NEO1: variants seen among roughly 807,000 people sequenced by gnomAD.
The protein encoded by NEO1 is neogenin.
Under a neutral mutation model 159.7 loss-of-function variants are expected in NEO1, and 63 were observed. That is an observed-to-expected ratio of 0.39 (90% CI 0.32 to 0.49). The LOEUF (loss-of-function observed/expected upper bound fraction) is 0.49, where lower values mean the gene tolerates loss of function less well. Ranked by LOEUF, NEO1 falls within the 20% of genes least tolerant of loss-of-function variation. The pLI is 0.85. For missense variants in NEO1, 1,615 were observed against 1,831.0 expected (o/e 0.88, Z 2.15); for synonymous variants, 633 against 662.0 (o/e 0.96, Z 0.67).
chr15:73,211,209 A>G (rs1487690899), intron 7 of NEO1, among the ~76,000 whole-genome samples: 1 of 152,226 alleles, frequency 6.6e-6, no homozygotes, highest in African/African-American at 2.4e-5. Context: ...ATTAGACAAA[A>G]TATATGGAAT....
chr15:73,216,912 G>C (rs1405441362), intron 7 of NEO1, among the ~76,000 whole-genome samples: 1 of 151,832 alleles, frequency 6.6e-6, no homozygotes, highest in Non-Finnish European at 1.5e-5. Context: ...TTCTTTTGCT[G>C]TGCAGAAGCT....
intron 4 of NEO1, among the ~76,000 whole-genome samples, chr15:73,134,694 C>T (rs2031546813): frequency 1.3e-5 from 2 of 151,958 alleles, no homozygotes; most frequent in Non-Finnish European, 2.9e-5. Context: ...GGATTACAGG[C>T]ATGCACCACC....
At position 73,114,017 on chromosome 15, in the gene NEO1, A is replaced by G. The variant is rs545892194; in HGVS notation, c.131-2523A>G. On this transcript the variant is annotated intron_variant, in intron 1 of 28. Coordinates refer to ENST00000261908, the MANE Select transcript of NEO1 (RefSeq NM_002499.4). Reference sequence around the variant, plus strand: ...TTTGGGAACCTCTCTACTTTAACTTAAAGTTATTACAAATATTCAAAGATT... The same window carrying G: ...TTTGGGAACCTCTCTACTTTAACTTGAAGTTATTACAAATATTCAAAGATT... Among the ~76,000 whole-genome samples the G allele has an allele frequency of 2.6e-5, 4 of 152,288 alleles. No individual in the cohort carries two copies. In the South Asian group the frequency reaches 8.3e-4, roughly 32 times the overall value.
At chr15:73,128,158 G>T (rs1352608350) in intron 4 of NEO1, among the ~76,000 whole-genome samples, 1 of 151,224 alleles carries the variant, frequency 6.6e-6, no homozygotes, top group Non-Finnish European at 1.5e-5. Context: ...CCAACTTCCT[G>T]TCTTCACATT....
At chr15:73,300,398 CAACTCAA>C (rs1391990740) in intron 27 of NEO1, among the ~76,000 whole-genome samples, 2 of 152,178 alleles carry the variant, frequency 1.3e-5, no homozygotes, top group East Asian at 1.9e-4. Context: ...TAAAAACATT[CAACTCAA>C]AACTCAAAAC....
At chr15:73,107,935 A>C (rs56377702) in intron 1 of NEO1, among the ~76,000 whole-genome samples, 46,096 of 152,114 alleles carry the variant, frequency 0.3, 8,514 homozygotes, top group Admixed American at 0.44. Flanking sequence ...CATTCCCAGC[A>C]CTTTGGGAGG....
rs545747201 is a variant in NEO1, at chr15:73,158,018, C to G, written c.1016-18385C>G. Among the ~76,000 whole-genome samples the G allele has an allele frequency of 8.9e-4, 135 of 152,076 alleles. 1 individual carries two copies. Among genetic ancestry groups the G allele is most frequent in the African/African-American group, 3.2e-3 (131 of 41,464 alleles). On this transcript the variant is annotated intron_variant, in intron 5 of 28. Transcript: ENST00000261908. ...ATCGCTTGAGGTCAGGAGTTTGAGA[C>G]CAGCCTGGCCAATATAGTGAAACCC...
At chr15:73,109,932 A>G (rs182411188) in intron 1 of NEO1, among the ~76,000 whole-genome samples, 6 of 152,332 alleles carry the variant, frequency 3.9e-5, no homozygotes, top group Admixed American at 3.9e-4. Context: ...CAGGGCAGAG[A>G]GAGACTGAAC....
chr15:73,294,957 G>C (rs1013932947), intron 26 of NEO1, among the ~76,000 whole-genome samples: 1 of 151,576 alleles, frequency 6.6e-6, no homozygotes, highest in Non-Finnish European at 1.5e-5. Flanking sequence ...ACCTGATTTG[G>C]AGAATGCTGC....
At position 73,170,693 on chromosome 15, in the gene NEO1, A is replaced by G. The variant is rs111675687; in HGVS notation, c.1016-5710A>G. 7.0e-3 allele frequency among the ~76,000 whole-genome samples: 1,061 copies of G among 152,324 alleles called. 10 individuals are homozygous for G. Among genetic ancestry groups the G allele is most frequent in the South Asian group, 0.052 (251 of 4,828 alleles). On this transcript the variant is annotated intron_variant, in intron 5 of 28. Coordinates refer to ENST00000261908, the MANE Select transcript of NEO1 (RefSeq NM_002499.4). ...CTTTGGGAGAGGATATTAGAAAACC[A>G]GCTCACTGTTTTGAAAACGTAAGTG...
chr15:73,171,190 T>C (rs1119251), intron 5 of NEO1, among the ~76,000 whole-genome samples: 44,747 of 151,756 alleles, frequency 0.29, 7,674 homozygotes, highest in East Asian at 0.57. Context: ...AGTCTGTAGA[T>C]GGAAAAAAAA....
At chr15:73,172,186 C>G (rs533712045) in intron 5 of NEO1, among the ~76,000 whole-genome samples, 1 of 152,068 alleles carries the variant, frequency 6.6e-6, no homozygotes, top group Non-Finnish European at 1.5e-5. Context: ...TTATTCTATT[C>G]TCTTAAATAA....
intron 7 of NEO1, among the ~76,000 whole-genome samples, chr15:73,206,279 C>T (rs1005861691): frequency 1.3e-5 from 2 of 152,070 alleles, no homozygotes; most frequent in Admixed American, 6.5e-5. Flanking sequence ...GAAGTTTTCT[C>T]CTGTTTCCTT....
chr15:73,165,526 GC>G (rs2034512521), intron 5 of NEO1, among the ~76,000 whole-genome samples: 1 of 152,140 alleles, frequency 6.6e-6, no homozygotes, highest in South Asian at 2.1e-4. Context: ...TAGTCAACAA[GC>G]ATGGTAAAAA....
intron 5 of NEO1, among the ~76,000 whole-genome samples, chr15:73,148,297 A>G (rs1312166480): frequency 1.3e-5 from 2 of 152,180 alleles, no homozygotes; most frequent in Non-Finnish European, 2.9e-5. Flanking sequence ...CTTAAACTTC[A>G]TTTAAGAAAT....
intron 5 of NEO1, among the ~76,000 whole-genome samples, chr15:73,140,944 T>C (rs1324178962): frequency 6.6e-6 from 1 of 152,194 alleles, no homozygotes; most frequent in African/African-American, 2.4e-5. Flanking sequence ...GAATACTGAT[T>C]ACTTTTGGAG....
chr15:73,205,793 A>G (rs139123572), intron 7 of NEO1, among the ~76,000 whole-genome samples: 1,604 of 152,124 alleles, frequency 0.011, 15 homozygotes, highest in Non-Finnish European at 0.016. Context: ...TTCATTTTCA[A>G]TTTTCCAGCT....
intron 7 of NEO1, among the ~76,000 whole-genome samples, chr15:73,195,738 A>G (rs911440936): frequency 6.6e-5 from 10 of 152,116 alleles, no homozygotes; most frequent in African/African-American, 2.4e-4. Context: ...TTTTGGCTAG[A>G]TTCTGGTTTG....
At chr15:73,297,090 G>A (rs953273790) in intron 26 of NEO1, among the ~76,000 whole-genome samples, 6 of 152,158 alleles carry the variant, frequency 3.9e-5, no homozygotes, top group African/African-American at 1.4e-4. Flanking sequence ...CACAGGTGGG[G>A]AAGCTGGTCA....
Sources: gnomAD v4.1 joint callset for allele counts (sites outside exome capture counted in the v4.1 genomes callset) on GRCh38, gnomAD v4.1.1 for gene constraint, MANE v1.5 for transcripts, NCBI Gene and HGNC (gene_info 2026-07-23, HGNC 2026-07-21) for gene names.